Variants in FHIT observed in about 807,000 individuals in gnomAD.
FHIT encodes the protein bis(5'-adenosyl)-triphosphatase.
A neutral mutation model predicts 17.9 loss-of-function variants in FHIT; 19 were observed. The observed-to-expected ratio is 1.06, with a 90% CI of 0.74 to 1.56. The LOEUF is 1.56. Ranked by LOEUF, FHIT falls within the 40% of genes most tolerant of loss-of-function variation. FHIT has a pLI of 0.00. For synonymous variants in FHIT, 81 were observed against 69.7 expected, an observed-to-expected ratio of 1.16 and a Z score of -0.81; for missense variants, 248 against 189.2, an observed-to-expected ratio of 1.31 and a Z score of -1.82.
At position 60,284,249 on chromosome 3, in the gene FHIT, C is replaced by G. The variant is rs187669154; in HGVS notation, c.103+252611G>C. ...ATGGATGTCACTTACATTTAAGAAT[C>G]GTAACAGTACAATGTGTGACATTGG... On this transcript the variant is annotated intron_variant, in intron 5 of 9. Coordinates refer to ENST00000492590, the MANE Select transcript of FHIT (RefSeq NM_002012.4). Among the ~76,000 whole-genome samples the G allele has an allele frequency of 1.6e-3, 240 of 152,176 alleles. 2 individuals carry two copies. The highest frequency in any genetic ancestry group is 0.014 in the Middle Eastern group (4 of 294).
chr3:60,034,061 G>C (rs913851750), intron 5 of FHIT, among the ~76,000 whole-genome samples: 1 of 152,094 alleles, frequency 6.6e-6, no homozygotes, highest in Non-Finnish European at 1.5e-5. Context: ...CTTATAATGG[G>C]GCAGATGTGG....
chr3:60,343,062 C>T (rs895026493), intron 5 of FHIT, among the ~76,000 whole-genome samples: 6 of 152,154 alleles, frequency 3.9e-5, no homozygotes, highest in African/African-American at 1.4e-4. Flanking sequence ...CCCCAGGGAT[C>T]TTCTTTTTGC....
intron 4 of FHIT, among the ~76,000 whole-genome samples, chr3:60,644,005 C>T (rs1042264653): frequency 5.3e-5 from 8 of 152,200 alleles, no homozygotes; most frequent in African/African-American, 1.9e-4. Context: ...GTGAAATTTA[C>T]AACATACACT....
At chr3:60,189,837 G>A (rs1435636957) in intron 5 of FHIT, among the ~76,000 whole-genome samples, 2 of 152,112 alleles carry the variant, frequency 1.3e-5, no homozygotes, top group African/African-American at 2.4e-5. Flanking sequence ...TGTATTCTTC[G>A]GAGTTGGTTG....
chr3:60,319,166 G>C (rs1410726315), intron 5 of FHIT, among the ~76,000 whole-genome samples: 1 of 152,074 alleles, frequency 6.6e-6, no homozygotes, highest in Non-Finnish European at 1.5e-5. Flanking sequence ...CAGGTACCAG[G>C]AATTAGGACA....
chr3:60,077,206 G>C (rs1307522244), intron 5 of FHIT, among the ~76,000 whole-genome samples: 2 of 151,964 alleles, frequency 1.3e-5, no homozygotes, highest in South Asian at 4.1e-4. Context: ...AGGATTGAAA[G>C]CATCACCGTG....
At position 60,114,488 on chromosome 3, in the gene FHIT, C is replaced by CTTTTTTTTTTTTTTTTTTTTTT. The variant is rs145618938; in HGVS notation, c.104-100337_104-100336insAAAAAAAAAAAAAAAAAAAAAA. The stretch of plus-strand genomic sequence containing the variant: ...TAAAATAAGGAAGAACAAGAGAAAT[C>CTTTTTTTTTTTTTTTTTTTTTT]CTTTTTTTTTTTTTTTTTTTTTTTT... On this transcript the variant is annotated intron_variant, in intron 5 of 9. Coordinates refer to ENST00000492590, the MANE Select transcript of FHIT (RefSeq NM_002012.4). Among the ~76,000 whole-genome samples the CTTTTTTTTTTTTTTTTTTTTTT allele has an allele frequency of 8.4e-5, 5 of 59,480 alleles. 1 individual carries two copies. The highest frequency in any genetic ancestry group is 1.2e-4 in the Non-Finnish European group (4 of 34,422). The allele number at this position is 59,480 out of a possible 152,430, so 39.0% of individuals were successfully genotyped here. A position where few individuals can be genotyped will look rare whatever the true frequency, so the allele number is the denominator to read the frequency against.
chr3:60,538,563 A>T (rs1200835338), intron 4 of FHIT, among the ~76,000 whole-genome samples: 1 of 152,156 alleles, frequency 6.6e-6, no homozygotes, highest in African/African-American at 2.4e-5. Flanking sequence ...ACAGTAACCA[A>T]AACAGCATGG....
At chr3:60,638,700 T>A (rs1034852319) in intron 4 of FHIT, among the ~76,000 whole-genome samples, 2 of 152,078 alleles carry the variant, frequency 1.3e-5, no homozygotes, top group African/African-American at 4.8e-5. Flanking sequence ...AATGTTACTA[T>A]CATAGGGAGA....
intron 3 of FHIT, among the ~76,000 whole-genome samples, chr3:60,967,832 T>C (rs1299074916): frequency 6.6e-6 from 1 of 152,190 alleles, no homozygotes; most frequent in East Asian, 1.9e-4. Flanking sequence ...CCACGGTATA[T>C]AATCTACAAA....
At chr3:60,198,583 A>G (rs1226057394) in intron 5 of FHIT, among the ~76,000 whole-genome samples, 1 of 152,160 alleles carries the variant, frequency 6.6e-6, no homozygotes, top group South Asian at 2.1e-4. Context: ...GCCTGAACAC[A>G]TAATAGGCTC....
chr3:61,117,818 CT>C (rs1437948779), intron 2 of FHIT, among the ~76,000 whole-genome samples: 2 of 152,100 alleles, frequency 1.3e-5, no homozygotes, highest in African/African-American at 4.8e-5. Context: ...TGCTAATTGC[CT>C]ATGTTCCCTT....
intron 5 of FHIT, among the ~76,000 whole-genome samples, chr3:60,490,218 A>G (rs2034005245): frequency 6.6e-6 from 1 of 152,164 alleles, no homozygotes; most frequent in African/African-American, 2.4e-5. Flanking sequence ...TTATAAAGCC[A>G]AGACAAGGGT....
At chr3:60,490,287 A>AAG (rs1464330743) in intron 5 of FHIT, among the ~76,000 whole-genome samples, 1 of 152,112 alleles carries the variant, frequency 6.6e-6, no homozygotes, top group Non-Finnish European at 1.5e-5. Flanking sequence ...GTTACATTAG[A>AAG]CATCGTTACT....
intron 4 of FHIT, among the ~76,000 whole-genome samples, chr3:60,633,835 A>C (rs73835761): frequency 0.013 from 2,027 of 152,284 alleles, 56 homozygotes; most frequent in African/African-American, 0.047. Flanking sequence ...CAAGCCACAG[A>C]GCGCCTCTGC....
chr3:61,199,542 T>A (rs533931094), intron 2 of FHIT, among the ~76,000 whole-genome samples: 120 of 91,876 alleles, frequency 1.3e-3, no homozygotes, highest in African/African-American at 4.2e-3. Flanking sequence ...GAAAAGAGGA[T>A]TTTTTTATAA....
At chr3:59,858,236 C>CTTTTT (rs563841299) in intron 8 of FHIT, among the ~76,000 whole-genome samples, 86 of 84,476 alleles carry the variant, frequency 1.0e-3, no homozygotes, top group Non-Finnish European at 1.3e-3. Flanking sequence ...TTCCCACCTT[C>CTTTTT]TTTTTTTTTT....
At position 60,901,922 on chromosome 3, in the gene FHIT, T is replaced by C. The variant is rs543489998; in HGVS notation, c.-110-79911A>G. Among the ~76,000 whole-genome samples the C allele has an allele frequency of 1.1e-4, 16 of 152,330 alleles. No individual in the cohort carries two copies. The South Asian group carries it at 3.3e-3, about 32-fold the overall frequency. ...CATAAGTACTGTTTTGTCCTCGCGT[T>C]GGGGATTTTTGTTTTGTTTTGTTTT... On this transcript the variant is annotated intron_variant, in intron 3 of 9. Coordinates refer to ENST00000492590, the MANE Select transcript of FHIT (RefSeq NM_002012.4).
At chr3:59,801,146 G>T (rs1278296766) in intron 8 of FHIT, among the ~76,000 whole-genome samples, 1 of 152,168 alleles carries the variant, frequency 6.6e-6, no homozygotes. Context: ...ATTGAGCACT[G>T]TATGCCAGGC....
Sources: allele counts gnomAD v4.1 joint callset (sites outside exome capture counted in the v4.1 genomes callset), GRCh38; gene constraint gnomAD v4.1.1; transcripts MANE v1.5; gene names NCBI Gene and HGNC (gene_info 2026-07-23, HGNC 2026-07-21).